DCLK2: variants seen among roughly 807,000 people sequenced by gnomAD.
DCLK2 encodes the protein doublecortin like kinase 2.
A neutral mutation model predicts 78.4 loss-of-function variants in DCLK2; 31 were observed. The observed-to-expected ratio is 0.40, with a 90% CI of 0.30 to 0.53. DCLK2 has a LOEUF of 0.53. Ranked by LOEUF, DCLK2 falls within the 20% of genes least tolerant of loss-of-function variation. DCLK2 has a pLI of 0.61. For synonymous variants in DCLK2, 407 were observed against 374.9 expected, an observed-to-expected ratio of 1.09 and a Z score of -0.99; for missense variants, 872 against 973.7, an observed-to-expected ratio of 0.90 and a Z score of 1.39.
intron 2 of DCLK2, among the ~76,000 whole-genome samples, chr4:150,169,638 A>G (rs1736363809): frequency 6.7e-6 from 1 of 150,106 alleles, no homozygotes; most frequent in African/African-American, 2.5e-5. Context: ...GCTGGGTGAC[A>G]AGAGTGAAAC....
intron 1 of DCLK2, among the ~76,000 whole-genome samples, chr4:150,094,580 C>T (rs754156670): frequency 8.5e-5 from 13 of 152,182 alleles, no homozygotes; most frequent in Non-Finnish European, 1.6e-4. Context: ...TGTCTCAGAC[C>T]ATGCATGAGG....
At chr4:150,230,715 C>T (rs755236913) in intron 8 of DCLK2, among the ~76,000 whole-genome samples, 8 of 152,148 alleles carry the variant, frequency 5.3e-5, no homozygotes, top group Non-Finnish European at 1.2e-4. Flanking sequence ...TTTGTCTTTG[C>T]AACCATGAGG....
Position 150,094,857 on chromosome 4 carries a change from A to T in DCLK2, c.422-7621A>T, listed in dbSNP as rs118010663. On this transcript the variant is annotated intron_variant, in intron 1 of 15. Transcript: ENST00000296550. Reference sequence around the variant, plus strand: ...TCTAGACAGTGGCTTGTAACCAGGGACTGTTTTCAGAGTCATTTGTGAAAT... The same window carrying T: ...TCTAGACAGTGGCTTGTAACCAGGGTCTGTTTTCAGAGTCATTTGTGAAAT... Among the ~76,000 whole-genome samples, 193 of 152,192 alleles carry T rather than the reference A, an allele frequency of 1.3e-3. 1 individual carries two copies. In the East Asian group the frequency reaches 0.019, roughly 15 times the overall value.
intron 14 of DCLK2, among the ~76,000 whole-genome samples, chr4:150,248,864 A>T (rs1212861268): frequency 6.6e-6 from 1 of 152,050 alleles, no homozygotes; most frequent in African/African-American, 2.4e-5. Context: ...TATTGACTAG[A>T]GTTCCCTCCC....
intron 13 of DCLK2, 147 bp downstream of exon 13, chr4:150,247,846 T>TTAC (rs1400259210): frequency 4.6e-6 from 3 of 658,130 alleles, no homozygotes; most frequent in Non-Finnish European, 5.0e-6. Context: ...TCCCATGGTA[T>TTAC]GGTCTCTGAA....
At chr4:150,089,347 G>A (rs1422091786) in intron 1 of DCLK2, among the ~76,000 whole-genome samples, 1 of 152,206 alleles carries the variant, frequency 6.6e-6, no homozygotes, top group Non-Finnish European at 1.5e-5. Flanking sequence ...AGAGATTAAG[G>A]AGGAGAGTGT....
rs867071576 is a variant in DCLK2, at chr4:150,229,013, A to G, written c.1300-3324A>G. Among the ~76,000 whole-genome samples the G allele has an allele frequency of 4.6e-4, 70 of 150,762 alleles. No homozygotes were observed. The Middle Eastern group carries it at 0.014, about 30-fold the overall frequency. On this transcript the variant is annotated intron_variant, in intron 8 of 15. Transcript: ENST00000296550. The stretch of plus-strand genomic sequence containing the variant: ...TGCAGTCCGCAGTCCGGCCTGGGCA[A>G]CAGAGCGAGACTCCGTCTCAAAAAA...
intron 5 of DCLK2, among the ~76,000 whole-genome samples, chr4:150,219,258 CTTTTTTTTTT>C (rs375592229): frequency 6.9e-5 from 5 of 72,128 alleles, no homozygotes; most frequent in South Asian, 5.8e-4. Context: ...CACAAACATT[CTTTTTTTTTT>C]TTTTTTTTTT....
chr4:150,220,167 C>A (rs2126525859), intron 5 of DCLK2, among the ~76,000 whole-genome samples: 1 of 152,304 alleles, frequency 6.6e-6, no homozygotes, highest in African/African-American at 2.4e-5. Context: ...TTTTTAAACA[C>A]TGTAGCTTTT....
chr4:150,228,432 C>G (rs1382573713), intron 8 of DCLK2, among the ~76,000 whole-genome samples: 1 of 152,184 alleles, frequency 6.6e-6, no homozygotes, highest in Non-Finnish European at 1.5e-5. Context: ...CGTGATGTGT[C>G]TACTCCTTCA....
chr4:150,097,237 A>G (rs6846581), intron 1 of DCLK2, among the ~76,000 whole-genome samples: 134,346 of 150,388 alleles, frequency 0.89, 60,625 homozygotes, highest in African/African-American at 0.94. Context: ...GTGCTGTGGT[A>G]CTGCAACCTC....
At position 150,256,214 on chromosome 4, in the gene DCLK2, G is replaced by A. The variant is rs888633138; in HGVS notation, c.2268G>A (p.Glu756=). The A allele has an allele frequency of 2.6e-6, 4 of 1,541,510 alleles. No individual in the cohort carries two copies. In the Admixed American group the frequency reaches 6.0e-5, roughly 23 times the overall value. ...CTCCTCCCGCTGCCCCGGGTGGTGA[G>A]CGGGCAGGAACCTGGCGCCGCCACC... The part of the protein sequence containing the change: ...PHPPPAAPGG[E]RAGTWRRHRD The change falls in exon 16 of 16, where the codon GAG becomes GAA. Residue 756 remains glutamate, a synonymous_variant. Coordinates refer to ENST00000296550, the MANE Select transcript of DCLK2 (RefSeq NM_001040260.4).
rs1335543535 is a variant in DCLK2 at position 150,239,819 on chromosome 4, A to G, written c.1644A>G (p.Leu548=). 6.2e-7 allele frequency: 1 copy of G among 1,614,204 alleles called. No homozygotes were observed. The highest frequency in any genetic ancestry group is 1.7e-5 in the Admixed American group (1 of 60,018). Reference sequence around the variant, plus strand: ...TTGCGACTGTGGTAGAAGGCCCTTTATACACAGTCTGTGGCACACCCACTT... The same window carrying G: ...TTGCGACTGTGGTAGAAGGCCCTTTGTACACAGTCTGTGGCACACCCACTT... ...FGLATVVEGP[L]YTVCGTPTYV... is the part of the protein sequence containing the mutation. Residue 548 remains leucine, a synonymous_variant, in exon 11 of 16, where the codon TTA becomes TTG. Transcript: ENST00000296550.
At chr4:150,125,908 A>G (rs1349600224) in intron 2 of DCLK2, among the ~76,000 whole-genome samples, 1 of 152,146 alleles carries the variant, frequency 6.6e-6, no homozygotes, top group Non-Finnish European at 1.5e-5. Context: ...AACCACAAAA[A>G]ACCCACAATA....
At chr4:150,102,965 G>GTA (rs1730993090) in intron 2 of DCLK2, among the ~76,000 whole-genome samples, 153 bp downstream of exon 2, 1 of 151,754 alleles carries the variant, frequency 6.6e-6, no homozygotes, top group Admixed American at 6.6e-5. Flanking sequence ...GTGTGTGTGT[G>GTA]TGTATGTATG....
intron 15 of DCLK2, chr4:150,253,802 C>T: frequency 1.0e-6 from 1 of 985,444 alleles, no homozygotes; most frequent in Non-Finnish European, 1.2e-6. Context: ...GGGAGGAGTC[C>T]CATAGTTCTC....
At chr4:150,147,317 A>C (rs1192548800) in intron 2 of DCLK2, among the ~76,000 whole-genome samples, 1 of 151,994 alleles carries the variant, frequency 6.6e-6, no homozygotes, top group Non-Finnish European at 1.5e-5. Context: ...AGAAAACAAG[A>C]ATAAATGTAA....
chr4:150,146,106 G>A (rs1358147162), intron 2 of DCLK2, among the ~76,000 whole-genome samples: 3 of 152,138 alleles, frequency 2.0e-5, no homozygotes, highest in African/African-American at 7.2e-5. Flanking sequence ...GATATTAAGG[G>A]CCCTTGACTC....
At chr4:150,246,665 A>G (rs576623724) in intron 12 of DCLK2, among the ~76,000 whole-genome samples, 11 of 110,498 alleles carry the variant, frequency 1.0e-4, no homozygotes, top group Admixed American at 8.2e-4. Context: ...CTAGCCATCG[A>G]TGCACCCACC....
Sources: gnomAD v4.1 joint callset for allele counts (sites outside exome capture counted in the v4.1 genomes callset) on GRCh38, gnomAD v4.1.1 for gene constraint, MANE v1.5 for transcripts, NCBI Gene and HGNC (gene_info 2026-07-23, HGNC 2026-07-21) for gene names.